The following MTDH variants were observed in gnomAD, a reference collection of about 807,000 sequenced individuals.
MTDH encodes metadherin, also known as protein LYRIC.
MTDH carries 34 observed loss-of-function variants against 72.7 expected under a neutral mutation model. That is an observed-to-expected ratio of 0.47 (90% CI 0.36 to 0.62). The LOEUF is 0.62. MTDH is among the 20% of genes least tolerant of loss of function. The pLI, the probability that MTDH is intolerant of heterozygous loss-of-function variation, is 0.00. For synonymous variants in MTDH, 266 were observed against 268.9 expected (o/e 0.99, Z 0.10); for missense variants, 677 against 699.4 (o/e 0.97, Z 0.36).
intron 1 of MTDH, among the ~76,000 whole-genome samples, chr8:97,650,640 TCC>T (rs1230738744): frequency 6.6e-6 from 1 of 152,186 alleles, no homozygotes; most frequent in African/African-American, 2.4e-5. Context: ...TGTAAAGCCT[TCC>T]CTAGCTCCTC....
rs1811484848 is a variant in MTDH, at chr8:97,644,595, G to C, written c.89G>C (p.Gly30Ala). The C allele has an allele frequency of 6.2e-7, 1 of 1,609,114 alleles. No homozygotes were observed. The highest frequency in any genetic ancestry group is 2.2e-5 in the East Asian group (1 of 44,658). The change falls in exon 1 of 12, where the codon GGC becomes GCC. Residue 30 changes from glycine to alanine, a missense_variant. Around this residue, in one of 3 missense-constraint regions of MTDH, gnomAD observed 467 missense variants for 469.1 expected, o/e 1.00. Transcript: ENST00000336273. ...CGGGAAATGCTCTCGGTCGGCCTAG[G>C]CTTTCTGCGCACCGAGCTGGGCCTC... ...RLREMLSVGL[G>A]FLRTELGLDL...
intron 8 of MTDH, among the ~76,000 whole-genome samples, chr8:97,711,807 G>GT: frequency 6.6e-6 from 1 of 152,308 alleles, no homozygotes; most frequent in East Asian, 1.9e-4. Context: ...TGTAATAAAA[G>GT]TTATGTGAAT....
chr8:97,713,313 C>A (rs1814711847), intron 8 of MTDH, among the ~76,000 whole-genome samples: 1 of 152,042 alleles, frequency 6.6e-6, no homozygotes, highest in African/African-American at 2.4e-5. Flanking sequence ...TCTCGATCTC[C>A]TGACCTCGTG....
At chr8:97,655,384 A>T (rs1176496237) in intron 1 of MTDH, among the ~76,000 whole-genome samples, 1 of 152,226 alleles carries the variant, frequency 6.6e-6, no homozygotes, top group African/African-American at 2.4e-5. Context: ...CTTGGAAAAC[A>T]GCAGTTTTTT....
chr8:97,722,790 T>C (rs2131089853), intron 10 of MTDH, 89 bp from the exon 11 acceptor site: 1 of 1,346,978 alleles, frequency 7.4e-7, no homozygotes, highest in East Asian at 2.3e-5. Flanking sequence ...ATTGAATTGC[T>C]GCTAAACCAC....
chr8:97,707,882 T>G (rs1814429285), intron 8 of MTDH, among the ~76,000 whole-genome samples: 1 of 151,126 alleles, frequency 6.6e-6, no homozygotes. Flanking sequence ...AAGAAAAAGT[T>G]AAATGAGAGG....
Position 97,724,657 on chromosome 8 carries a change from G to T in MTDH, c.1736G>T (p.Arg579Ile). Reference sequence around the variant, plus strand: ...CAAATAAAAAAGAAGAAAAAAGCCAGACGAGAAACGTGAAATTTTTTTTCC... The same window carrying T: ...CAAATAAAAAAGAAGAAAAAAGCCATACGAGAAACGTGAAATTTTTTTTCC... ...PKQIKKKKKARRET is the reference protein window; with the variant it reads ...PKQIKKKKKAIRET The change falls in exon 12 of 12, where the codon AGA becomes ATA. Residue 579 changes from arginine (R) to isoleucine (I), a missense_variant. Arg to Ile is a moderately conservative substitution (Grantham distance 97). Transcript: ENST00000336273. 1 of 1,594,382 alleles carries T rather than the reference G, an allele frequency of 6.3e-7. No homozygotes were observed. Among genetic ancestry groups the T allele is most frequent in the Non-Finnish European group, 8.5e-7 (1 of 1,175,462 alleles).
chr8:97,718,057 TG>T (rs1814946540), intron 9 of MTDH, among the ~76,000 whole-genome samples: 1 of 146,818 alleles, frequency 6.8e-6, no homozygotes, highest in African/African-American at 2.5e-5. Flanking sequence ...GCCTAATTTT[TG>T]TATTTTTAGT....
At chr8:97,679,688 A>G (rs74722216) in intron 2 of MTDH, among the ~76,000 whole-genome samples, 10,973 of 152,268 alleles carry the variant, frequency 0.072, 1,311 homozygotes, top group African/African-American at 0.25. Context: ...TGTATACACT[A>G]TCAGTGTAGT....
At chr8:97,687,337 T>C in intron 3 of MTDH, 92 bp from the exon 4 acceptor site, 1 of 1,044,586 alleles carries the variant, frequency 9.6e-7, no homozygotes, top group Non-Finnish European at 1.3e-6. Context: ...TATCATGATA[T>C]TTTATGTGCT....
chr8:97,661,924 A>G (rs1563526497), intron 2 of MTDH, among the ~76,000 whole-genome samples: 1 of 138,812 alleles, frequency 7.2e-6, no homozygotes, highest in Non-Finnish European at 1.7e-5. Context: ...GTCTCAAAAA[A>G]AAAAAAAAAA....
intron 6 of MTDH, among the ~76,000 whole-genome samples, chr8:97,694,066 A>ATT (rs948654525): frequency 1.3e-5 from 2 of 151,878 alleles, no homozygotes; most frequent in Non-Finnish European, 2.9e-5. Context: ...TAAACATACG[A>ATT]TTTTTTCTCT....
At chr8:97,718,267 T>A (rs1318688717) in intron 9 of MTDH, among the ~76,000 whole-genome samples, 2 of 152,088 alleles carry the variant, frequency 1.3e-5, no homozygotes, top group South Asian at 4.1e-4. Context: ...GGTCTCGAAC[T>A]CCTGACCTCA....
In MTDH at chr8:97,728,253, A is replaced by G. The variant is rs1815431714; in HGVS notation, c.*3583A>G. The G allele has an allele frequency of 6.6e-6, 1 of 152,198 alleles. No individual in the cohort carries two copies. The highest frequency in any genetic ancestry group is 1.5e-5 in the Non-Finnish European group (1 of 68,030). The allele number at this position is 152,198 out of a possible 1,614,324, so 9.4% of individuals were successfully genotyped here. A position where few individuals can be genotyped will look rare whatever the true frequency, so the allele number is the denominator to read the frequency against. On this transcript the variant is annotated 3_prime_UTR_variant, in exon 12 of 12. Coordinates refer to ENST00000336273, the MANE Select transcript of MTDH (RefSeq NM_178812.4). ...GCATTGAGTATTGTAAATAAAACAA[A>G]CCATTTTTGATTTGTTTAAATTGCT...
intron 2 of MTDH, among the ~76,000 whole-genome samples, chr8:97,670,695 C>G (rs547291409): frequency 3.0e-4 from 46 of 152,272 alleles, no homozygotes; most frequent in Non-Finnish European, 5.9e-4. Flanking sequence ...TCAGTTGGCT[C>G]ACAGTACCAC....
At chr8:97,700,336 A>T (rs1183569274) in intron 7 of MTDH, among the ~76,000 whole-genome samples, 3 of 152,234 alleles carry the variant, frequency 2.0e-5, no homozygotes, top group Admixed American at 6.5e-5. Context: ...TTTAAAAAAA[A>T]AAAATTATGA....
intron 2 of MTDH, among the ~76,000 whole-genome samples, chr8:97,665,897 C>A (rs1291507546): frequency 6.6e-6 from 1 of 152,196 alleles, no homozygotes; most frequent in South Asian, 2.1e-4. Context: ...GAGGCAGAGG[C>A]GGGCGGATTA....
At chr8:97,670,186 G>A (rs139571329) in intron 2 of MTDH, among the ~76,000 whole-genome samples, 65 of 151,812 alleles carry the variant, frequency 4.3e-4, no homozygotes, top group African/African-American at 1.4e-3. Context: ...ACGGTGGCAC[G>A]CCGCCTGTAG....
intron 7 of MTDH, among the ~76,000 whole-genome samples, chr8:97,701,046 A>G (rs1223701608): frequency 6.6e-6 from 1 of 152,182 alleles, no homozygotes; most frequent in Non-Finnish European, 1.5e-5. Context: ...TACGAATTTT[A>G]GTCCCGACTC....
Sources: allele counts gnomAD v4.1 joint callset (sites outside exome capture counted in the v4.1 genomes callset), GRCh38; gene constraint gnomAD v4.1.1; regional missense constraint gnomAD v4.1.1; transcripts MANE v1.5; gene names NCBI Gene and HGNC (gene_info 2026-07-23, HGNC 2026-07-21).